The following PTP4A3 variants were observed in gnomAD, a reference collection of about 807,000 sequenced individuals.
PTP4A3 encodes the protein protein tyrosine phosphatase type IVA 3.
PTP4A3 carries 9 observed loss-of-function variants against 15.2 expected under a neutral mutation model. That is an observed-to-expected ratio of 0.59 (90% CI 0.36 to 1.03). The LOEUF (loss-of-function observed/expected upper bound fraction) is 1.03. Ranked by LOEUF, PTP4A3 falls within the 50% of genes least tolerant of loss-of-function variation. PTP4A3 has a pLI of 0.02. For synonymous variants in PTP4A3, 95 were observed against 102.0 expected (o/e 0.93, Z 0.41); for missense variants, 234 against 252.1 (o/e 0.93, Z 0.49).
intron 1 of PTP4A3, among the ~76,000 whole-genome samples, chr8:141,421,143 G>A (rs1165766442): frequency 6.6e-6 from 1 of 152,234 alleles, no homozygotes; most frequent in Non-Finnish European, 1.5e-5. Context: ...GTCATGCCCT[G>A]CTGGCTGTGT....
chr8:141,411,433 G>C (rs1248547542), intron 1 of PTP4A3, among the ~76,000 whole-genome samples: 2 of 152,308 alleles, frequency 1.3e-5, no homozygotes, highest in South Asian at 2.1e-4. Flanking sequence ...ATGTGTCCTG[G>C]GGGTAGCCCT....
intron 3 of PTP4A3, 118 bp from the exon 4 acceptor site, chr8:141,426,821 A>C (rs922187996): frequency 2.1e-6 from 3 of 1,460,176 alleles, no homozygotes; most frequent in Non-Finnish European, 2.7e-6. Context: ...TGCTGCCCCC[A>C]CCCTAGTGGG....
chr8:141,399,877 G>A (rs1373219268), intron 1 of PTP4A3, among the ~76,000 whole-genome samples: 2 of 152,214 alleles, frequency 1.3e-5, no homozygotes, highest in Admixed American at 6.5e-5. Flanking sequence ...GGGGAGAGGC[G>A]ACATTTGAAC....
At chr8:141,408,112 C>T (rs1278116500) in intron 1 of PTP4A3, among the ~76,000 whole-genome samples, 1 of 152,092 alleles carries the variant, frequency 6.6e-6, no homozygotes, top group Admixed American at 6.5e-5. Context: ...GAACCAGGCG[C>T]AGAGGGCCAC....
At chr8:141,396,265 T>C (rs1832448685) in intron 1 of PTP4A3, among the ~76,000 whole-genome samples, 1 of 152,200 alleles carries the variant, frequency 6.6e-6, no homozygotes, top group Admixed American at 6.5e-5. Context: ...GGCGGGTAAG[T>C]GTTCATATTA....
At chr8:141,401,945 T>C (rs1453191945) in intron 1 of PTP4A3, among the ~76,000 whole-genome samples, 1 of 148,916 alleles carries the variant, frequency 6.7e-6, no homozygotes, top group Non-Finnish European at 1.5e-5. Context: ...ACGAGGCCAC[T>C]CCAGCTTCAG....
rs866866424 is a variant in PTP4A3, at chr8:141,430,124, A to G, written c.405-803A>G. Among the ~76,000 whole-genome samples, 49 of 138,226 alleles carry G rather than the reference A, an allele frequency of 3.5e-4. 1 individual carries two copies. Among genetic ancestry groups the G allele is most frequent in the South Asian group, 1.6e-3 (7 of 4,324 alleles). 90.7% of individuals were successfully genotyped at this position (138,226 alleles called of 152,430 possible). A position where few individuals can be genotyped will look rare whatever the true frequency, so the allele number is the denominator to read the frequency against. The stretch of plus-strand genomic sequence containing the variant: ...CGGGGACAGGGTGAGCGTACAGCCC[A>G]GGTTTCCGCTGTAAGGACCAGGTGG... On this transcript the variant is annotated intron_variant, in intron 5 of 5. Coordinates refer to ENST00000521578, the MANE Select transcript of PTP4A3 (RefSeq NM_032611.3).
In PTP4A3 at chr8:141,425,010, C is replaced by T; in HGVS notation, c.106-38C>T. 4.5e-6 allele frequency: 7 copies of T among 1,565,082 alleles called. No individual in the cohort carries two copies. Among genetic ancestry groups the T allele is most frequent in the East Asian group, 2.3e-5 (1 of 44,318 alleles). Reference sequence around the variant, plus strand: ...GTCCTGCCCCCTGAGCCCTGCAGCCCCAGCCCAGCCCTGCCTCCTCCGTCC... The same window carrying T: ...GTCCTGCCCCCTGAGCCCTGCAGCCTCAGCCCAGCCCTGCCTCCTCCGTCC... On this transcript the variant is annotated intron_variant, in intron 2 of 5. Coordinates refer to ENST00000521578, the MANE Select transcript of PTP4A3 (RefSeq NM_032611.3). The surrounding 1 kb of genome is among the most constrained non-coding windows in gnomAD (Gnocchi z 4.2).
At chr8:141,417,945 C>T (rs1311043211) in intron 1 of PTP4A3, among the ~76,000 whole-genome samples, 1 of 151,824 alleles carries the variant, frequency 6.6e-6, no homozygotes, top group Admixed American at 6.6e-5. Flanking sequence ...AGGGGCGGCG[C>T]CCCGACCCAG....
chr8:141,427,947 A>G (rs1833662753), intron 5 of PTP4A3, 123 bp downstream of exon 5: 1 of 960,238 alleles, frequency 1.0e-6, no homozygotes, highest in Non-Finnish European at 1.5e-6. Context: ...GATCAGCACA[A>G]GCTGGGCCTT....
At chr8:141,419,085 C>T (rs923519384) in intron 1 of PTP4A3, among the ~76,000 whole-genome samples, 3 of 152,132 alleles carry the variant, frequency 2.0e-5, no homozygotes, top group Non-Finnish European at 4.4e-5. Flanking sequence ...TGAGCGTAGC[C>T]CAGGCTAACC....
chr8:141,410,240 G>A (rs999717485), intron 1 of PTP4A3, among the ~76,000 whole-genome samples: 3 of 152,266 alleles, frequency 2.0e-5, no homozygotes, highest in African/African-American at 7.2e-5. Flanking sequence ...CGGCCCCCAG[G>A]CTCCCAGCCA....
At chr8:141,397,751 G>T (rs1832489694) in intron 1 of PTP4A3, among the ~76,000 whole-genome samples, 1 of 152,246 alleles carries the variant, frequency 6.6e-6, no homozygotes, top group Non-Finnish European at 1.5e-5. Context: ...AGTTCAGAGA[G>T]ATTCTGTTAT....
chr8:141,395,207 GT>G (rs201156788), intron 1 of PTP4A3, among the ~76,000 whole-genome samples: 3,565 of 152,348 alleles, frequency 0.023, 155 homozygotes, highest in African/African-American at 0.082. Flanking sequence ...CTGGCAGAGA[GT>G]GTGCGCGTGT....
intron 1 of PTP4A3, among the ~76,000 whole-genome samples, chr8:141,421,019 C>T (rs1364258629): frequency 6.6e-6 from 1 of 152,190 alleles, no homozygotes; most frequent in African/African-American, 2.4e-5. Context: ...CAGGCTCAGG[C>T]TTCTTAGGAA....
chr8:141,419,469 G>A (rs868828548), intron 1 of PTP4A3, among the ~76,000 whole-genome samples: 1 of 152,228 alleles, frequency 6.6e-6, no homozygotes, highest in African/African-American at 2.4e-5. Context: ...CACACTCAGA[G>A]CCTGTGCTCC....
At chr8:141,396,530 G>C (rs1274744133) in intron 1 of PTP4A3, among the ~76,000 whole-genome samples, 1 of 152,070 alleles carries the variant, frequency 6.6e-6, no homozygotes, top group Admixed American at 6.5e-5. Flanking sequence ...CACAGCCCTG[G>C]AGCACCTACT....
At chr8:141,401,322 T>C (rs913387357) in intron 1 of PTP4A3, among the ~76,000 whole-genome samples, 3 of 152,014 alleles carry the variant, frequency 2.0e-5, no homozygotes, top group African/African-American at 7.3e-5. Context: ...GCTCATCTGC[T>C]CCTTTGCAGA....
intron 1 of PTP4A3, among the ~76,000 whole-genome samples, chr8:141,409,183 T>C (rs1832803573): frequency 6.6e-6 from 1 of 152,170 alleles, no homozygotes. Context: ...CCCTGGGCCC[T>C]GCTAGGGGAG....
Sources: gnomAD v4.1 joint callset for allele counts (sites outside exome capture counted in the v4.1 genomes callset) on GRCh38, gnomAD v4.1.1 for gene constraint, Gnocchi (gnomAD v3.1) non-coding constraint, MANE v1.5 for transcripts, NCBI Gene and HGNC (gene_info 2026-07-23, HGNC 2026-07-21) for gene names.